Variants in MAP2K4 observed in about 807,000 individuals in gnomAD.
The protein encoded by MAP2K4 is mitogen-activated protein kinase kinase 4.
MAP2K4 carries 4 observed loss-of-function variants against 48.5 expected under a neutral mutation model. The observed-to-expected ratio is 0.08, with a 90% CI of 0.04 to 0.19. The LOEUF is 0.19. MAP2K4 is among the 10% of genes least tolerant of loss of function. The pLI is 1.00. For missense variants in MAP2K4, 258 were observed against 493.3 expected, an observed-to-expected ratio of 0.52 and a Z score of 4.52; for synonymous variants, 166 against 173.1, an observed-to-expected ratio of 0.96 and a Z score of 0.32.
intron 4 of MAP2K4, among the ~76,000 whole-genome samples, chr17:12,099,156 TTC>T (rs957563790): frequency 6.6e-6 from 1 of 152,020 alleles, no homozygotes; most frequent in African/African-American, 2.4e-5. Flanking sequence ...GTATTTGTCT[TTC>T]TGTTTCTGGT....
intron 2 of MAP2K4, among the ~76,000 whole-genome samples, chr17:12,080,297 T>C (rs546115778): frequency 7.9e-5 from 12 of 152,240 alleles, no homozygotes; most frequent in African/African-American, 2.9e-4. Flanking sequence ...TTAAAAGAGA[T>C]CCTGATCATT....
At chr17:12,122,187 T>G (rs1972715691) in intron 7 of MAP2K4, among the ~76,000 whole-genome samples, 2 of 152,268 alleles carry the variant, frequency 1.3e-5, no homozygotes, top group Admixed American at 6.5e-5. Flanking sequence ...CACCTTATCT[T>G]ATTTAAGTGC....
intron 1 of MAP2K4, among the ~76,000 whole-genome samples, chr17:12,045,728 T>C (rs1969939895): frequency 6.6e-6 from 1 of 152,178 alleles, no homozygotes; most frequent in Non-Finnish European, 1.5e-5. Context: ...GAGGCAGAGG[T>C]TATCAAAGTG....
intron 2 of MAP2K4, among the ~76,000 whole-genome samples, chr17:12,078,918 A>T (rs1403492205): frequency 6.6e-6 from 1 of 152,184 alleles, no homozygotes. Context: ...GTTTTGCTGG[A>T]AAGATCGCTA....
At chr17:12,039,166 G>A (rs1969697609) in intron 1 of MAP2K4, among the ~76,000 whole-genome samples, 1 of 152,188 alleles carries the variant, frequency 6.6e-6, no homozygotes. Context: ...ATTGCTCCAG[G>A]ATTCTGAAAT....
rs544654585 is a variant in MAP2K4 at position 12,080,953 on chromosome 17, G to A, written c.219-403G>A. ...GAATAACTAATGTTGGGTAAGATAGGGTAAGAACTTTTTCGCAATAAGGTT... is the reference window on the plus strand; with the variant it reads ...GAATAACTAATGTTGGGTAAGATAGAGTAAGAACTTTTTCGCAATAAGGTT... On this transcript the variant is annotated intron_variant, in intron 2 of 10. Transcript: ENST00000353533. Among the ~76,000 whole-genome samples, 13 of 152,196 alleles carry A rather than the reference G, an allele frequency of 8.5e-5. No individual in the cohort carries two copies. The South Asian group carries it at 2.7e-3, about 32-fold the overall frequency.
At chr17:12,060,948 G>A (rs1970432680) in intron 2 of MAP2K4, among the ~76,000 whole-genome samples, 1 of 151,980 alleles carries the variant, frequency 6.6e-6, no homozygotes, top group African/African-American at 2.4e-5. Flanking sequence ...TCGAACTTCT[G>A]TACCCGTTAA....
intron 2 of MAP2K4, among the ~76,000 whole-genome samples, chr17:12,069,014 A>T (rs1323723234): frequency 6.6e-6 from 1 of 152,160 alleles, no homozygotes; most frequent in Non-Finnish European, 1.5e-5. Flanking sequence ...TGGATAGAAG[A>T]GGAGGGACAG....
intron 8 of MAP2K4, 79 bp downstream of exon 8, chr17:12,125,450 T>C: frequency 8.8e-7 from 1 of 1,136,530 alleles, no homozygotes; most frequent in Non-Finnish European, 1.3e-6. Flanking sequence ...TTAATCAGAC[T>C]TCCCCGTTCG....
chr17:12,095,354 G>A (rs1971700178), intron 3 of MAP2K4: 2 of 549,124 alleles, frequency 3.6e-6, no homozygotes, highest in South Asian at 1.9e-5. Flanking sequence ...AAATTGCCCT[G>A]TCTCCTTTAA....
intron 4 of MAP2K4, among the ~76,000 whole-genome samples, chr17:12,105,390 A>T (rs1296223782): frequency 6.6e-6 from 1 of 152,168 alleles, no homozygotes; most frequent in Non-Finnish European, 1.5e-5. Flanking sequence ...TTTATTAGAT[A>T]CATTTCCTGG....
chr17:12,141,122 T>G, intron 10 of MAP2K4, 25 bp from the exon 11 acceptor site: 2 of 1,512,042 alleles, frequency 1.3e-6, no homozygotes, highest in Non-Finnish European at 1.8e-6. Context: ...AACTTTTGAC[T>G]TTTTTGTTTT....
At chr17:12,138,311 T>A (rs1468382307) in intron 9 of MAP2K4, among the ~76,000 whole-genome samples, 1 of 152,144 alleles carries the variant, frequency 6.6e-6, no homozygotes, top group Non-Finnish European at 1.5e-5. Flanking sequence ...TACTAACAAA[T>A]AGCCTACTGT....
chr17:12,140,425 C>G (rs1353008785), intron 10 of MAP2K4, among the ~76,000 whole-genome samples: 1 of 152,194 alleles, frequency 6.6e-6, no homozygotes, highest in African/African-American at 2.4e-5. Context: ...CATTTAACTA[C>G]TAGCTCTTCA....
At chr17:12,101,299 A>G (rs1971928604) in intron 4 of MAP2K4, among the ~76,000 whole-genome samples, 1 of 151,974 alleles carries the variant, frequency 6.6e-6, no homozygotes, top group African/African-American at 2.4e-5. Context: ...ATCAGATATC[A>G]GTTGTCCATA....
At chr17:12,132,190 T>A (rs551986725) in intron 9 of MAP2K4, among the ~76,000 whole-genome samples, 37 of 152,326 alleles carry the variant, frequency 2.4e-4, no homozygotes, top group Admixed American at 1.7e-3. Context: ...GTATAGCTGA[T>A]CTAATATGGT....
chr17:12,077,326 CG>C (rs1250562069), intron 2 of MAP2K4, among the ~76,000 whole-genome samples: 1 of 152,110 alleles, frequency 6.6e-6, no homozygotes, highest in Non-Finnish European at 1.5e-5. Flanking sequence ...TGGAGGTGTC[CG>C]GGCACTACCT....
chr17:12,089,243 G>A (rs887204138), intron 3 of MAP2K4, among the ~76,000 whole-genome samples: 2 of 152,100 alleles, frequency 1.3e-5, no homozygotes, highest in Non-Finnish European at 2.9e-5. Context: ...AACCTTAGAT[G>A]ATAGTAGGTG....
At chr17:12,114,360 T>A (rs2151578502) in intron 7 of MAP2K4, among the ~76,000 whole-genome samples, 1 of 151,334 alleles carries the variant, frequency 6.6e-6, no homozygotes, top group South Asian at 2.1e-4. Context: ...CCCATATCAC[T>A]TTTTCTTCAG....
Sources: allele counts gnomAD v4.1 joint callset (sites outside exome capture counted in the v4.1 genomes callset), GRCh38; gene constraint gnomAD v4.1.1; transcripts MANE v1.5; gene names NCBI Gene and HGNC (gene_info 2026-07-23, HGNC 2026-07-21).